The following ZBTB7C variants were observed in gnomAD, a reference collection of about 807,000 sequenced individuals.
ZBTB7C encodes zinc finger and BTB domain-containing protein 7C.
ZBTB7C carries 8 observed loss-of-function variants against 25.7 expected under a neutral mutation model. The observed-to-expected ratio is 0.31, with a 90% confidence interval of 0.18 to 0.56. ZBTB7C has a LOEUF of 0.56. Ranked by LOEUF, ZBTB7C falls within the 20% of genes least tolerant of loss-of-function variation. ZBTB7C has a pLI of 0.91. For synonymous variants in ZBTB7C, 394 were observed against 369.0 expected (o/e 1.07, Z -0.78); for missense variants, 824 against 855.2 (o/e 0.96, Z 0.46).
chr18:48,046,872 C>T (rs947595099), intron 3 of ZBTB7C, among the ~76,000 whole-genome samples: 2 of 152,304 alleles, frequency 1.3e-5, no homozygotes, highest in Middle Eastern at 3.4e-3. Flanking sequence ...AACATCATGA[C>T]CATGAGGAGC....
chr18:48,306,162 C>T (rs1415644927), intron 2 of ZBTB7C, among the ~76,000 whole-genome samples: 2 of 152,136 alleles, frequency 1.3e-5, no homozygotes, highest in African/African-American at 4.8e-5. Context: ...CAGTCAGCAC[C>T]CTCTGCTATG....
intron 2 of ZBTB7C, among the ~76,000 whole-genome samples, chr18:48,270,689 CAA>C (rs35344797): frequency 5.2e-4 from 46 of 88,290 alleles, no homozygotes; most frequent in Middle Eastern, 6.6e-3. Flanking sequence ...GACTCTGTCT[CAA>C]AAAAAAAAAA....
intron 3 of ZBTB7C, among the ~76,000 whole-genome samples, chr18:48,141,027 G>A (rs953073762): frequency 5.3e-5 from 8 of 152,060 alleles, no homozygotes; most frequent in African/African-American, 1.4e-4. Context: ...CAGGCATCTG[G>A]TCCTGTCATA....
At chr18:48,132,690 C>T (rs1389775555) in intron 3 of ZBTB7C, among the ~76,000 whole-genome samples, 1 of 152,198 alleles carries the variant, frequency 6.6e-6, no homozygotes, top group African/African-American at 2.4e-5. Context: ...TGCTAGATTT[C>T]CCTAGGGCTT....
At chr18:48,138,916 G>A (rs760325143) in intron 3 of ZBTB7C, among the ~76,000 whole-genome samples, 3 of 152,200 alleles carry the variant, frequency 2.0e-5, no homozygotes, top group Non-Finnish European at 4.4e-5. Flanking sequence ...TTGCCTCAGC[G>A]GCCTGGGTGG....
chr18:48,229,096 G>A (rs1351710248), intron 2 of ZBTB7C, among the ~76,000 whole-genome samples: 2 of 152,072 alleles, frequency 1.3e-5, no homozygotes, highest in Non-Finnish European at 2.9e-5. Flanking sequence ...CAGCATGTTC[G>A]TCCCGCTCAA....
At position 48,039,929 on chromosome 18, in the gene ZBTB7C, C is replaced by T; in HGVS notation, c.1179G>A (p.Met393Ile). 1 of 1,613,552 alleles carries T rather than the reference C, an allele frequency of 6.2e-7. No individual in the cohort carries two copies. Among genetic ancestry groups the T allele is most frequent in the Non-Finnish European group, 8.5e-7 (1 of 1,180,036 alleles). ...TGAAGCGGACCTCGCAGATGGTGCA[C>T]ATGTATGGCTTCTCCCCGGTATGGG... Reference protein sequence around the residue: ...MRTHTGEKPYMCTICEVRFTR... With the variant: ...MRTHTGEKPYICTICEVRFTR... The change falls in exon 4 of 5, where the codon ATG (methionine) becomes ATA (isoleucine). Residue 393 changes from methionine (M) to isoleucine (I), a missense_variant. Physicochemically the swap from Met to Ile is conservative, Grantham distance 10. Transcript: ENST00000590800.
intron 1 of ZBTB7C, among the ~76,000 whole-genome samples, chr18:48,385,487 C>A (rs894120075): frequency 6.6e-6 from 1 of 152,160 alleles, no homozygotes; most frequent in African/African-American, 2.4e-5. Flanking sequence ...CATGACAGAT[C>A]TCATTTGGGG....
chr18:48,050,955 C>G (rs1056096058), intron 3 of ZBTB7C, among the ~76,000 whole-genome samples: 1 of 152,128 alleles, frequency 6.6e-6, no homozygotes, highest in Non-Finnish European at 1.5e-5. Context: ...ATTTTGCCAA[C>G]GAGAAACCTA....
At chr18:48,113,903 C>A (rs967064775) in intron 3 of ZBTB7C, among the ~76,000 whole-genome samples, 2 of 152,184 alleles carry the variant, frequency 1.3e-5, no homozygotes, top group African/African-American at 4.8e-5. Context: ...GAGCCTGGGG[C>A]CGGCTGTAAA....
chr18:48,295,271 T>C (rs1334380210), intron 2 of ZBTB7C, among the ~76,000 whole-genome samples: 1 of 152,228 alleles, frequency 6.6e-6, no homozygotes, highest in Non-Finnish European at 1.5e-5. Context: ...GTAAAGCTGC[T>C]GTGGCCCAGG....
rs1336180862 is a variant in ZBTB7C at position 48,029,619 on chromosome 18, C to G, written c.1501G>C (p.Asp501His). 3 of 1,492,654 alleles carry G rather than the reference C, an allele frequency of 2.0e-6. No homozygotes were observed. In the Admixed American group the frequency reaches 7.7e-5, roughly 38 times the overall value. The allele number at this position is 1,492,654 out of a possible 1,614,324, so 92.5% of individuals were successfully genotyped here. The change falls in exon 5 of 5, where the codon GAC (aspartate) becomes CAC (histidine). Residue 501 changes from aspartate (D) to histidine (H), a missense_variant. This residue lies in a region of ZBTB7C where 342 missense variants were observed against 307.0 expected (regional missense o/e 1.11). Transcript: ENST00000590800. ...GGGGGCATCACGAAGGCCGCCTTGT[C>G]GGGGGCCGGGCCGCCGGGCCCGAAG... Reference protein sequence around the residue: ...LLFGPGGPAPDKAAFVMPPAL... With the variant: ...LLFGPGGPAPHKAAFVMPPAL...
chr18:48,207,603 A>ATCTATCTG (rs2042606941), intron 2 of ZBTB7C, among the ~76,000 whole-genome samples: 2 of 147,266 alleles, frequency 1.4e-5, no homozygotes, highest in African/African-American at 4.9e-5. Flanking sequence ...CTATCTATCT[A>ATCTATCTG]TCTATCTATC....
At chr18:48,373,602 T>C (rs2047441068) in intron 1 of ZBTB7C, among the ~76,000 whole-genome samples, 1 of 152,206 alleles carries the variant, frequency 6.6e-6, no homozygotes, top group Non-Finnish European at 1.5e-5. Flanking sequence ...TCTTCATAAA[T>C]GGCTTGGACC....
chr18:48,385,469 A>T (rs1323467175), intron 1 of ZBTB7C, among the ~76,000 whole-genome samples: 2 of 152,188 alleles, frequency 1.3e-5, no homozygotes, highest in African/African-American at 4.8e-5. Context: ...GGTTATGCCC[A>T]GCCCAGCCAT....
At chr18:48,117,221 T>C (rs1027221090) in intron 3 of ZBTB7C, among the ~76,000 whole-genome samples, 1 of 152,232 alleles carries the variant, frequency 6.6e-6, no homozygotes, top group Non-Finnish European at 1.5e-5. Context: ...ACGATGTGTT[T>C]TTCCTATCAT....
At chr18:48,195,863 A>T (rs2042306864) in intron 2 of ZBTB7C, among the ~76,000 whole-genome samples, 1 of 151,912 alleles carries the variant, frequency 6.6e-6, no homozygotes, top group African/African-American at 2.4e-5. Flanking sequence ...TCATAGAAAT[A>T]TTTTCTTCTT....
chr18:48,075,144 C>T (rs572264339), intron 3 of ZBTB7C, among the ~76,000 whole-genome samples: 1 of 152,136 alleles, frequency 6.6e-6, no homozygotes, highest in African/African-American at 2.4e-5. Context: ...CTGCCTCCCC[C>T]ACCCACAGTG....
chr18:48,334,957 G>A (rs536909960), intron 2 of ZBTB7C, among the ~76,000 whole-genome samples: 40 of 152,232 alleles, frequency 2.6e-4, no homozygotes, highest in South Asian at 1.7e-3. Context: ...CGGTGCTGTC[G>A]GCCCCCTAGA....
Sources: allele counts gnomAD v4.1 joint callset (sites outside exome capture counted in the v4.1 genomes callset), GRCh38; gene constraint gnomAD v4.1.1; regional missense constraint gnomAD v4.1.1; transcripts MANE v1.5; gene names NCBI Gene and HGNC (gene_info 2026-07-23, HGNC 2026-07-21).